Variants in CELSR1 observed in about 807,000 individuals in gnomAD.
CELSR1 encodes the protein cadherin EGF LAG seven-pass G-type receptor 1, also known as adhesion G protein-coupled receptor C1.
CELSR1 carries 110 observed loss-of-function variants against 249.1 expected under a neutral mutation model. That is an observed-to-expected ratio of 0.44 (90% CI 0.38 to 0.52). The LOEUF (loss-of-function observed/expected upper bound fraction) is 0.52. Ranked by LOEUF, CELSR1 falls within the 20% of genes least tolerant of loss-of-function variation. CELSR1 has a pLI of 0.00. For synonymous variants in CELSR1, 2,113 were observed against 1,900.0 expected, an observed-to-expected ratio of 1.11 and a Z score of -2.92; for missense variants, 4,109 against 4,296.4, an observed-to-expected ratio of 0.96 and a Z score of 1.22.
rs531245611 is a variant in CELSR1 at position 46,464,079 on chromosome 22, G to A, written c.3811C>T (p.Arg1271Cys). ...TCCTCCGACGGGAAGAACTGGCCGC[G>A]GACGCCGCCAGGCAGCAGCGCCGAG... is the stretch of plus-strand genomic sequence containing the variant. Reference protein sequence around the residue: ...TFSALLPGGVRGQFFPSEDLQ... With the variant: ...TFSALLPGGVCGQFFPSEDLQ... Residue 1271 changes from arginine (R) to cysteine (C), a missense_variant, in exon 2 of 35, where the codon CGC (arginine) becomes TGC (cysteine). By Grantham distance (180) the Arg-to-Cys change is radical. This residue lies in a region of CELSR1 where 141 missense variants were observed against 209.4 expected (regional missense o/e 0.67). Coordinates refer to ENST00000674500, the MANE Select transcript of CELSR1 (RefSeq NM_001378328.1). This position sits in a 1 kb window ranked among gnomAD's most constrained non-coding sequence, Gnocchi z 8.5. The A allele has an allele frequency of 3.5e-5, 56 of 1,613,814 alleles. No homozygotes were observed. Among genetic ancestry groups the A allele is most frequent in the Non-Finnish European group, 3.1e-5 (37 of 1,180,050 alleles).
In CELSR1 at chr22:46,464,385, G is replaced by A. The variant is rs765973908; in HGVS notation, c.3545-40C>T. ...AAAGTCAGGGTCATTCAGATGCTGC[G>A]GGAGTCACAGGTCCTATAGGCCCCA... On this transcript the variant is annotated intron_variant, in intron 1 of 34. Transcript: ENST00000674500. The surrounding 1 kb of genome is among the most constrained non-coding windows in gnomAD (Gnocchi z 8.5). The A allele has an allele frequency of 5.7e-6, 9 of 1,579,854 alleles. No homozygotes were observed. The highest frequency in any genetic ancestry group is 4.7e-5 in the South Asian group (4 of 85,394).
At position 46,372,956 on chromosome 22, in the gene CELSR1, C is replaced by T. The variant is rs190426239; in HGVS notation, c.7686G>A (p.Glu2562=). 317 of 1,613,328 alleles carry T rather than the reference C, an allele frequency of 2.0e-4. No individual in the cohort carries two copies. The highest frequency in any genetic ancestry group is 2.6e-4 in the Non-Finnish European group (309 of 1,179,928). The change falls in exon 25 of 35, where the codon GAG becomes GAA. Residue 2562 remains glutamate (E), a synonymous_variant. Coordinates refer to ENST00000674500, the MANE Select transcript of CELSR1 (RefSeq NM_001378328.1). ...ESLHVYRMLT[E]VRNIDTGPMR... Reference sequence around the variant, plus strand: ...TGGGCCCCGTGTCGATGTTGCGCACCTCGGTCAGCATGCGGTAGACATGCA... The same window carrying T: ...TGGGCCCCGTGTCGATGTTGCGCACTTCGGTCAGCATGCGGTAGACATGCA...
chr22:46,536,654 G>A lies in CELSR1; in HGVS notation c.517C>T (p.Leu173=). ...RPRCPGRPIC[L]PPGGSVRLRL... ...AGGCGGACCGAGCCGCCCGGCGGCA[G>A]GCAGATGGGACGGCCGGGACAGCGG... The change falls in exon 1 of 35, where the codon CTG becomes TTG. Residue 173 remains leucine, a synonymous_variant. Transcript: ENST00000674500. 1 of 1,168,492 alleles carries A rather than the reference G, an allele frequency of 8.6e-7. No homozygotes were observed. Among genetic ancestry groups the A allele is most frequent in the Non-Finnish European group, 1.1e-6 (1 of 949,260 alleles). The allele number at this position is 1,168,492 out of a possible 1,614,324, so 72.4% of individuals were successfully genotyped here.
intron 1 of CELSR1, among the ~76,000 whole-genome samples, chr22:46,465,175 G>T (rs11705669): frequency 1.3e-3 from 202 of 152,162 alleles, no homozygotes; most frequent in Non-Finnish European, 2.1e-3. Context: ...GGACGGAGCA[G>T]CGGCCCCTGC....
Position 46,472,851 on chromosome 22 carries a change from C to T in CELSR1, c.3545-8506G>A, listed in dbSNP as rs894691345. Among the ~76,000 whole-genome samples the T allele has an allele frequency of 6.6e-6, 1 of 152,186 alleles. No homozygotes were observed. Among genetic ancestry groups the T allele is most frequent in the African/African-American group, 2.4e-5 (1 of 41,454 alleles). The stretch of plus-strand genomic sequence containing the variant: ...AGGTGCACCCCTCTGGCCTCTGCCT[C>T]TGCGCCAAGTGGCTATGGCTCTCCC... On this transcript the variant is annotated intron_variant, in intron 1 of 34. Coordinates refer to ENST00000674500, the MANE Select transcript of CELSR1 (RefSeq NM_001378328.1). This position sits in a 1 kb window ranked among gnomAD's most constrained non-coding sequence, Gnocchi z 7.0.
At position 46,395,392 on chromosome 22, in the gene CELSR1, T is replaced by C. The variant is rs140049; in HGVS notation, c.5844-1130A>G. ...TGTTCCTGGCTTGCGGGCCCACCTC[T>C]GTCCCCACCCAGGCCTCTCTAGATC... On this transcript the variant is annotated intron_variant, in intron 13 of 34. Transcript: ENST00000674500. The surrounding 1 kb of genome is among the most constrained non-coding windows in gnomAD (Gnocchi z 5.5). Among the ~76,000 whole-genome samples, 150,099 of 152,100 alleles carry C rather than the reference T, an allele frequency of 0.99. 74,079 individuals are homozygous for C. The highest frequency in any genetic ancestry group is 1 in the East Asian group (5,140 of 5,140).
chr22:46,514,705 G>C (rs2080608845), intron 1 of CELSR1, among the ~76,000 whole-genome samples: 1 of 152,090 alleles, frequency 6.6e-6, no homozygotes, highest in South Asian at 2.1e-4. Context: ...GGGGCTGCAG[G>C]GCCGAGGCTC....
At chr22:46,366,330 G>T (rs1205797878) in intron 30 of CELSR1, 56 bp downstream of exon 30, 5 of 1,301,856 alleles carry the variant, frequency 3.8e-6, no homozygotes, top group Non-Finnish European at 5.1e-6. Flanking sequence ...GGTGGCAGGG[G>T]CAAAACCTGA....
At chr22:46,450,801 C>A (rs1001147350) in intron 2 of CELSR1, among the ~76,000 whole-genome samples, 2 of 152,222 alleles carry the variant, frequency 1.3e-5, no homozygotes, top group Non-Finnish European at 2.9e-5. Context: ...TGAGCAAGAT[C>A]CTGGCTAGTG....
At chr22:46,369,285 T>TCAGGTCGCCGACG (rs1555904416) in intron 26 of CELSR1, 27 bp from the exon 27 acceptor site, 11 of 1,435,440 alleles carry the variant, frequency 7.7e-6, no homozygotes, top group Non-Finnish European at 9.2e-6. Context: ...CCGATCAATG[T>TCAGGTCGCCGACG]CTTCTCTCTC....
chr22:46,533,582 G>A (rs1283635103), intron 1 of CELSR1, 45 bp downstream of exon 1: 1 of 1,513,220 alleles, frequency 6.6e-7, no homozygotes, highest in African/African-American at 1.4e-5. Flanking sequence ...AGGCTCTCCA[G>A]GAGGCCCATC....
chr22:46,381,902 G>A lies in CELSR1; in HGVS notation c.7032C>T (p.Tyr2344=), dbSNP rs1295745779. The A allele has an allele frequency of 8.3e-6, 13 of 1,575,444 alleles. No homozygotes were observed. Among genetic ancestry groups the A allele is most frequent in the Non-Finnish European group, 1.0e-5 (12 of 1,162,602 alleles). The part of the protein sequence containing the change: ...GQFAVALVII[Y]RTLGQLLPER... ...CGGGCAGGAGCTGCCCCAGGGTGCGGTAAATGATGACCAGAGCGACGGCGA... is the reference window on the plus strand; with the variant it reads ...CGGGCAGGAGCTGCCCCAGGGTGCGATAAATGATGACCAGAGCGACGGCGA... The change falls in exon 21 of 35, where the codon TAC becomes TAT. Residue 2344 remains tyrosine, a synonymous_variant. Transcript: ENST00000674500. This position sits in a 1 kb window ranked among gnomAD's most constrained non-coding sequence, Gnocchi z 6.0.
In CELSR1 at chr22:46,409,686, C is replaced by T. The variant is rs531999926; in HGVS notation, c.5059+69G>A. The T allele has an allele frequency of 6.9e-6, 11 of 1,590,796 alleles. No individual in the cohort carries two copies. Among genetic ancestry groups the T allele is most frequent in the African/African-American group, 5.3e-5 (4 of 74,770 alleles). ...ATGTGAAGCCCCCTCACGGTGGTCC[C>T]GGGCACATCAAGGAGCAATGCCTCC... is the stretch of plus-strand genomic sequence containing the variant. On this transcript the variant is annotated intron_variant, in intron 8 of 34. Coordinates refer to ENST00000674500, the MANE Select transcript of CELSR1 (RefSeq NM_001378328.1). The surrounding 1 kb of genome is among the most constrained non-coding windows in gnomAD (Gnocchi z 9.8).
rs868284582 is a variant in CELSR1, at chr22:46,489,711, G to A, written c.3545-25366C>T. Among the ~76,000 whole-genome samples, 59 of 151,994 alleles carry A rather than the reference G, an allele frequency of 3.9e-4. 1 individual carries two copies. The highest frequency in any genetic ancestry group is 1.4e-3 in the African/African-American group (58 of 41,380). On this transcript the variant is annotated intron_variant, in intron 1 of 34. Coordinates refer to ENST00000674500, the MANE Select transcript of CELSR1 (RefSeq NM_001378328.1). ...GTGGATCACCTGAGGTCAGGAGTTT[G>A]AGACCAGCCTGGCCAACATGGTGAA...
chr22:46,386,161 G>T (rs2079031553), intron 19 of CELSR1, among the ~76,000 whole-genome samples: 1 of 152,000 alleles, frequency 6.6e-6, no homozygotes, highest in South Asian at 2.1e-4. Context: ...GTAGAGATGG[G>T]GTTTCACCAT....
At chr22:46,378,120 G>A (rs962937604) in intron 23 of CELSR1, among the ~76,000 whole-genome samples, 1 of 152,258 alleles carries the variant, frequency 6.6e-6, no homozygotes, top group African/African-American at 2.4e-5. Flanking sequence ...AATGCCAGAG[G>A]TTAAACATTA....
chr22:46,363,182 G>C lies in CELSR1; in HGVS notation c.*41C>G. 1.9e-6 allele frequency: 3 copies of C among 1,613,558 alleles called. No homozygotes were observed. The highest frequency in any genetic ancestry group is 2.5e-6 in the Non-Finnish European group (3 of 1,179,854). Reference sequence around the variant, plus strand: ...GTGTGGGGTGACGGGCTTGCCTCACGGTTTCCTGATGGTTCAAATTGAAGT... The same window carrying C: ...GTGTGGGGTGACGGGCTTGCCTCACCGTTTCCTGATGGTTCAAATTGAAGT... On this transcript the variant is annotated 3_prime_UTR_variant, in exon 35 of 35. Coordinates refer to ENST00000674500, the MANE Select transcript of CELSR1 (RefSeq NM_001378328.1). The surrounding 1 kb of genome is among the most constrained non-coding windows in gnomAD (Gnocchi z 4.3).
rs2079418013 is a variant in CELSR1, at chr22:46,417,601, C to A, written c.4612-5842G>T. Among the ~76,000 whole-genome samples the A allele has an allele frequency of 6.6e-6, 1 of 152,210 alleles. No individual in the cohort carries two copies. Among genetic ancestry groups the A allele is most frequent in the Non-Finnish European group, 1.5e-5 (1 of 68,042 alleles). On this transcript the variant is annotated intron_variant, in intron 5 of 34. Transcript: ENST00000674500. This position sits in a 1 kb window ranked among gnomAD's most constrained non-coding sequence, Gnocchi z 4.1. ...GGTGGGGAGGGCAGCTCCACACTAT[C>A]CCAGGTTGTAAGGGGAACTCAAGTT...
rs2079285875 is a variant in CELSR1 at position 46,408,006 on chromosome 22, C to T, written c.5226+990G>A. ...GGGTCCCCATGGCTGCCTCATGCGGCGGAGGTTGTGGCAGAAGGGCAGCCC... is the reference window on the plus strand; with the variant it reads ...GGGTCCCCATGGCTGCCTCATGCGGTGGAGGTTGTGGCAGAAGGGCAGCCC... On this transcript the variant is annotated intron_variant, in intron 9 of 34. Transcript: ENST00000674500. The surrounding 1 kb of genome is among the most constrained non-coding windows in gnomAD (Gnocchi z 4.6). 6.6e-6 allele frequency among the ~76,000 whole-genome samples: 1 copy of T among 152,140 alleles called. No homozygotes were observed. The highest frequency in any genetic ancestry group is 1.5e-5 in the Non-Finnish European group (1 of 68,014).
Sources: allele counts gnomAD v4.1 joint callset (sites outside exome capture counted in the v4.1 genomes callset), GRCh38; gene constraint gnomAD v4.1.1; regional missense constraint gnomAD v4.1.1; non-coding constraint Gnocchi (gnomAD v3.1); transcripts MANE v1.5; gene names NCBI Gene and HGNC (gene_info 2026-07-23, HGNC 2026-07-21).